LLGL1: variants seen among roughly 807,000 people sequenced by gnomAD.
The protein encoded by LLGL1 is LLGL scribble cell polarity complex component 1.
In LLGL1, 58 loss-of-function variants were observed where a neutral mutation model predicts 110.6. The ratio of observed to expected loss-of-function variants is 0.52; its 90% CI spans 0.42 to 0.65. LLGL1 has a LOEUF of 0.65. Ranked by LOEUF, LLGL1 falls within the 30% of genes least tolerant of loss-of-function variation. The pLI, the probability that LLGL1 is intolerant of heterozygous loss-of-function variation, is 0.00. For synonymous variants in LLGL1, 674 were observed against 607.2 expected (o/e 1.11, Z -1.62); for missense variants, 1,229 against 1,462.1 (o/e 0.84, Z 2.60).
chr17:18,229,655 G>C (rs1426358608), intron 1 of LLGL1, among the ~76,000 whole-genome samples: 3 of 152,220 alleles, frequency 2.0e-5, no homozygotes, highest in African/African-American at 4.8e-5. Flanking sequence ...ACATGAGCCT[G>C]TGTGCATTGA....
chr17:18,240,050 G>GT lies in LLGL1; in HGVS notation c.2207-527dup, dbSNP rs1424757635. Among the ~76,000 whole-genome samples, 4 of 152,112 alleles carry GT rather than the reference G, an allele frequency of 2.6e-5. No homozygotes were observed. Among genetic ancestry groups the GT allele is most frequent in the African/African-American group, 7.2e-5 (3 of 41,426 alleles). ...GGGTCGATGGATGGTCGTCCTAGGT[G>GT]TCCCCAGGCTTGGCGGCTTCCTCTG... is the stretch of plus-strand genomic sequence containing the variant. On this transcript the variant is annotated intron_variant, in intron 16 of 22. Coordinates refer to ENST00000316843, the MANE Select transcript of LLGL1 (RefSeq NM_004140.4). The surrounding 1 kb of genome is among the most constrained non-coding windows in gnomAD (Gnocchi z 5.3).
chr17:18,234,766 C>A (rs570263753), intron 8 of LLGL1, 63 bp downstream of exon 8: 79 of 1,613,346 alleles, frequency 4.9e-5, no homozygotes, highest in Non-Finnish European at 5.1e-6. Context: ...GAAGGGTGGG[C>A]TCTCCCTAGG....
At chr17:18,228,945 C>T (rs1246434762) in intron 1 of LLGL1, among the ~76,000 whole-genome samples, 1 of 151,284 alleles carries the variant, frequency 6.6e-6, no homozygotes, top group East Asian at 2.0e-4. Flanking sequence ...TGGGCAGAGG[C>T]AGGCAGGGAG....
intron 1 of LLGL1, among the ~76,000 whole-genome samples, chr17:18,227,728 A>AG (rs2142538558): frequency 6.6e-6 from 1 of 152,310 alleles, no homozygotes; most frequent in African/African-American, 2.4e-5. Context: ...TGGGGTGTGC[A>AG]GTGGGGGCTG....
intron 14 of LLGL1, 37 bp from the exon 15 acceptor site, chr17:18,238,030 C>T (rs1359013267): frequency 1.3e-5 from 21 of 1,607,500 alleles, no homozygotes; most frequent in Non-Finnish European, 1.8e-5. Flanking sequence ...CCCCAGGAGG[C>T]TGCTCTATAG....
chr17:18,242,412 C>T (rs533406077), intron 20 of LLGL1, 96 bp from the exon 21 acceptor site: 18 of 1,573,484 alleles, frequency 1.1e-5, no homozygotes, highest in Admixed American at 1.7e-5. Flanking sequence ...GGTGCCACCC[C>T]TCACCATGGG....
In LLGL1 at chr17:18,230,096, C is replaced by G. The variant is rs1368701378; in HGVS notation, c.179+58C>G. On this transcript the variant is annotated intron_variant, in intron 2 of 22. Transcript: ENST00000316843. ...TTCAGGACCACCTGCCTGTAGTTCCCTGTGCTCTGGGGTCCCAGTCTTGGC... is the reference window on the plus strand; with the variant it reads ...TTCAGGACCACCTGCCTGTAGTTCCGTGTGCTCTGGGGTCCCAGTCTTGGC... 2.2e-6 allele frequency: 3 copies of G among 1,350,194 alleles called. No individual in the cohort carries two copies. In the African/African-American group the frequency reaches 4.3e-5, roughly 19 times the overall value. 83.6% of individuals were successfully genotyped at this position (1,350,194 alleles called of 1,614,324 possible). A position where few individuals can be genotyped will look rare whatever the true frequency, so the allele number is the denominator to read the frequency against.
chr17:18,241,126 CCTGTA>C, intron 17 of LLGL1: 1 of 588,350 alleles, frequency 1.7e-6, no homozygotes, highest in Non-Finnish European at 3.0e-6. Flanking sequence ...ACACAAGGCT[CCTGTA>C]CTGGGCCCAG....
Position 18,234,259 on chromosome 17 carries a change from C to T in LLGL1, c.715-14C>T, listed in dbSNP as rs765960959. 25 of 1,596,900 alleles carry T rather than the reference C, an allele frequency of 1.6e-5. No individual in the cohort carries two copies. Among genetic ancestry groups the T allele is most frequent in the Non-Finnish European group, 2.0e-5 (24 of 1,172,106 alleles). ...CTCATGCCTGCCTGCCTGCCTGCCC[C>T]TGCCTGCCCGCAGCAGCTGGAGAGC... On this transcript the variant is annotated splice_polypyrimidine_tract_variant and intron_variant, in intron 6 of 22. Transcript: ENST00000316843.
At position 18,234,947 on chromosome 17, in the gene LLGL1, C is replaced by T; in HGVS notation, c.1014C>T (p.Ser338=). The stretch of plus-strand genomic sequence containing the variant: ...CATTGGTGACGCTGGACTTCACTTC[C>T]CGCATCATCGACTTCTTCACAGTGC... ...AETLVTLDFT[S]RIIDFFTVHS... Residue 338 remains serine, a synonymous_variant, in exon 9 of 23, where the codon TCC becomes TCT. Coordinates refer to ENST00000316843, the MANE Select transcript of LLGL1 (RefSeq NM_004140.4). 1 of 1,614,122 alleles carries T rather than the reference C, an allele frequency of 6.2e-7. No homozygotes were observed. Among genetic ancestry groups the T allele is most frequent in the Non-Finnish European group, 8.5e-7 (1 of 1,180,004 alleles).
In LLGL1 at chr17:18,240,072, T is replaced by C. The variant is rs1211153106; in HGVS notation, c.2207-506T>C. On this transcript the variant is annotated intron_variant, in intron 16 of 22. Coordinates refer to ENST00000316843, the MANE Select transcript of LLGL1 (RefSeq NM_004140.4). The surrounding 1 kb of genome is among the most constrained non-coding windows in gnomAD (Gnocchi z 5.3). ...GGTGTCCCCAGGCTTGGCGGCTTCC[T>C]CTGGCTGCCACGTAGGGAGCACACT... is the stretch of plus-strand genomic sequence containing the variant. 6.6e-6 allele frequency among the ~76,000 whole-genome samples: 1 copy of C among 152,048 alleles called. No homozygotes were observed. The highest frequency in any genetic ancestry group is 2.4e-5 in the African/African-American group (1 of 41,408).
At chr17:18,235,616 G>T in intron 11 of LLGL1, 79 bp downstream of exon 11, 1 of 1,428,766 alleles carries the variant, frequency 7.0e-7, no homozygotes, top group South Asian at 1.3e-5. Context: ...TGGGTGCAGA[G>T]GTGCCAGGAG....
At chr17:18,230,090 A>G (rs372502097) in intron 2 of LLGL1, 52 bp downstream of exon 2, 12 of 1,390,096 alleles carry the variant, frequency 8.6e-6, no homozygotes, top group Non-Finnish European at 1.2e-5. Flanking sequence ...ACCTGCCTGT[A>G]GTTCCCTGTG....
chr17:18,227,926 G>C (rs2047485950), intron 1 of LLGL1, among the ~76,000 whole-genome samples: 1 of 152,174 alleles, frequency 6.6e-6, no homozygotes, highest in African/African-American at 2.4e-5. Flanking sequence ...CCTGAGCTTA[G>C]GGGGTGGGAG....
At chr17:18,241,757 C>T (rs1427320818) in intron 18 of LLGL1, 42 bp downstream of exon 18, 6 of 1,607,554 alleles carry the variant, frequency 3.7e-6, no homozygotes, top group African/African-American at 1.3e-5. Flanking sequence ...CTCAGGCGAG[C>T]GAACTGAGTG....
In LLGL1 at chr17:18,241,476, C is replaced by G; in HGVS notation, c.2528C>G (p.Ala843Gly). ...GTGTTCACACTGCCCAAGGTGAGCG[C>G]GAAGACCAAGTTCAAGCTGACGGCC... ...FKVFTLPKVS[A>G]KTKFKLTAHE... The change falls in exon 18 of 23, where the codon GCG (alanine) becomes GGG (glycine). Residue 843 changes from alanine (A) to glycine (G), a missense_variant. Physicochemically the swap from Ala to Gly is moderately conservative, Grantham distance 60. Coordinates refer to ENST00000316843, the MANE Select transcript of LLGL1 (RefSeq NM_004140.4). 6.2e-7 allele frequency: 1 copy of G among 1,613,396 alleles called. No individual in the cohort carries two copies. The highest frequency in any genetic ancestry group is 8.5e-7 in the Non-Finnish European group (1 of 1,179,918).
chr17:18,231,696 T>G (rs931811531), intron 2 of LLGL1, among the ~76,000 whole-genome samples: 19 of 152,174 alleles, frequency 1.2e-4, no homozygotes, highest in Non-Finnish European at 1.9e-4. Flanking sequence ...TCTTGCTCTT[T>G]GTTGCCCAGG....
Position 18,240,501 on chromosome 17 carries a change from C to A in LLGL1, c.2207-77C>A, listed in dbSNP as rs2047803599. On this transcript the variant is annotated intron_variant, in intron 16 of 22. Coordinates refer to ENST00000316843, the MANE Select transcript of LLGL1 (RefSeq NM_004140.4). This position sits in a 1 kb window ranked among gnomAD's most constrained non-coding sequence, Gnocchi z 5.3. Reference sequence around the variant, plus strand: ...GGGCTACAAGAGAGGCAGGGAGGGACCTGCAGTCTGTGGGAAGACCCCAGG... The same window carrying A: ...GGGCTACAAGAGAGGCAGGGAGGGAACTGCAGTCTGTGGGAAGACCCCAGG... The A allele has an allele frequency of 3.4e-6, 5 of 1,465,560 alleles. No homozygotes were observed. The East Asian group carries it at 1.1e-4, about 34-fold the overall frequency. The allele number at this position is 1,465,560 out of a possible 1,614,324, so 90.8% of individuals were successfully genotyped here.
rs781244592 is a variant in LLGL1, at chr17:18,233,826, C to T, written c.441C>T (p.Ala147=). ...TCACAGTGGTCCTGCTGGTGGCTGC[C>T]AGCGACATAGCAGCCCTGGGCACTG... The part of the protein sequence containing the change: ...TRVTVVLLVA[A]SDIAALGTEG... Residue 147 remains alanine, a synonymous_variant, in exon 5 of 23, where the codon GCC becomes GCT. Transcript: ENST00000316843. The T allele has an allele frequency of 6.2e-6, 10 of 1,613,810 alleles. No individual in the cohort carries two copies. Among genetic ancestry groups the T allele is most frequent in the Middle Eastern group, 1.6e-4 (1 of 6,062 alleles).
Sources: gnomAD v4.1 joint callset for allele counts (sites outside exome capture counted in the v4.1 genomes callset) on GRCh38, gnomAD v4.1.1 for gene constraint, Gnocchi (gnomAD v3.1) non-coding constraint, MANE v1.5 for transcripts, NCBI Gene and HGNC (gene_info 2026-07-23, HGNC 2026-07-21) for gene names.